Variants in MDGA2 observed in about 807,000 individuals in gnomAD.
MDGA2 encodes MAM domain containing glycosylphosphatidylinositol anchor 2, also known as MAM domain-containing glycosylphosphatidylinositol anchor protein 2.
In MDGA2, 40 loss-of-function variants were observed where a neutral mutation model predicts 117.8. That is an observed-to-expected ratio of 0.34 (90% CI 0.26 to 0.44). The LOEUF (loss-of-function observed/expected upper bound fraction) is 0.44. Ranked by LOEUF, MDGA2 falls within the 20% of genes least tolerant of loss-of-function variation. The pLI is 1.00. For missense variants in MDGA2, 1,123 were observed against 1,250.6 expected (o/e 0.90, Z 1.54); for synonymous variants, 452 against 439.0 (o/e 1.03, Z -0.37).
rs1872736153 is a variant in MDGA2 at position 47,607,720 on chromosome 14, G to C, written c.280+66797C>G. 2.0e-5 allele frequency among the ~76,000 whole-genome samples: 3 copies of C among 152,236 alleles called. No homozygotes were observed. In the South Asian group the frequency reaches 6.2e-4, roughly 32 times the overall value. ...CCTTGCATCCAGAGTAAGTGGTTTT[G>C]ATTGCATCATGTAGGCCAGAGGGGA... is the stretch of plus-strand genomic sequence containing the variant. On this transcript the variant is annotated intron_variant, in intron 1 of 16. Coordinates refer to ENST00000399232, the MANE Select transcript of MDGA2 (RefSeq NM_001113498.3).
Position 47,400,713 on chromosome 14 carries a change from T to C in MDGA2, c.281-99163A>G, listed in dbSNP as rs192764754. ...AACAAACAAACAAAAAAAAAACCCT[T>C]AGTGGTAAGGCTTTTTTTTTTTTCT... On this transcript the variant is annotated intron_variant, in intron 1 of 16. Transcript: ENST00000399232. Among the ~76,000 whole-genome samples, 11 of 149,126 alleles carry C rather than the reference T, an allele frequency of 7.4e-5. 1 individual carries two copies. The East Asian group carries it at 2.0e-3, about 27-fold the overall frequency.
At chr14:47,358,784 T>A (rs1242352559) in intron 1 of MDGA2, among the ~76,000 whole-genome samples, 1 of 152,172 alleles carries the variant, frequency 6.6e-6, no homozygotes, top group Non-Finnish European at 1.5e-5. Flanking sequence ...CACTGAAAAC[T>A]GTAAAACATT....
chr14:47,128,668 C>A (rs542516986), intron 5 of MDGA2, among the ~76,000 whole-genome samples: 2 of 148,872 alleles, frequency 1.3e-5, no homozygotes, highest in South Asian at 4.3e-4. Flanking sequence ...TTTTATATTT[C>A]TATTTTTTTC....
chr14:47,122,700 G>A (rs1173361158), intron 5 of MDGA2, among the ~76,000 whole-genome samples: 1 of 152,046 alleles, frequency 6.6e-6, no homozygotes, highest in African/African-American at 2.4e-5. Context: ...TCAAGAAATT[G>A]TAAAATGTAT....
chr14:47,242,352 A>G (rs916179946), intron 2 of MDGA2, among the ~76,000 whole-genome samples: 1 of 151,810 alleles, frequency 6.6e-6, no homozygotes, highest in African/African-American at 2.4e-5. Context: ...GCATTTGAGG[A>G]GCCCTTCAGC....
intron 3 of MDGA2, among the ~76,000 whole-genome samples, chr14:47,202,270 A>G (rs1594719197): frequency 6.6e-6 from 1 of 152,342 alleles, no homozygotes; most frequent in Non-Finnish European, 1.5e-5. Flanking sequence ...ACAACTGTAT[A>G]GATATCATCA....
chr14:47,103,839 C>G (rs1256689614), intron 5 of MDGA2, among the ~76,000 whole-genome samples: 3 of 152,124 alleles, frequency 2.0e-5, no homozygotes, highest in Non-Finnish European at 4.4e-5. Flanking sequence ...GCTTGTTCTC[C>G]CTAGTGCAAT....
chr14:47,443,697 T>A (rs1893062721), intron 1 of MDGA2, among the ~76,000 whole-genome samples: 1 of 152,188 alleles, frequency 6.6e-6, no homozygotes, highest in South Asian at 2.1e-4. Flanking sequence ...CAAATAATAA[T>A]AAATCCAGAA....
chr14:47,276,405 C>G (rs1888312881), intron 2 of MDGA2, among the ~76,000 whole-genome samples: 2 of 152,030 alleles, frequency 1.3e-5, no homozygotes, highest in African/African-American at 4.8e-5. Context: ...ATTCTTAAAT[C>G]TAAAATCCAG....
At chr14:46,883,906 A>T (rs775727632) in intron 10 of MDGA2, among the ~76,000 whole-genome samples, 3 of 152,066 alleles carry the variant, frequency 2.0e-5, no homozygotes, top group Non-Finnish European at 4.4e-5. Flanking sequence ...ATCTAAACAT[A>T]TAGTATGCAT....
chr14:47,012,978 T>C (rs1954252), intron 8 of MDGA2, among the ~76,000 whole-genome samples: 142,790 of 152,246 alleles, frequency 0.94, 67,060 homozygotes, highest in East Asian at 1. Context: ...TAAGCCTTCA[T>C]CGAGTTGTAC....
chr14:46,981,607 G>A (rs1158091881), intron 8 of MDGA2, among the ~76,000 whole-genome samples: 2 of 152,156 alleles, frequency 1.3e-5, no homozygotes. Context: ...GTTTAAGAAT[G>A]TCAAGTGGTA....
At chr14:47,105,159 G>A (rs956408394) in intron 5 of MDGA2, among the ~76,000 whole-genome samples, 1 of 152,020 alleles carries the variant, frequency 6.6e-6, no homozygotes, top group Non-Finnish European at 1.5e-5. Flanking sequence ...CCTGGGGCAG[G>A]GGCAAGTACC....
At chr14:47,429,868 CA>C (rs1233286935) in intron 1 of MDGA2, among the ~76,000 whole-genome samples, 1 of 150,808 alleles carries the variant, frequency 6.6e-6, no homozygotes, top group Non-Finnish European at 1.5e-5. Flanking sequence ...GTGATAGAAT[CA>C]GTAGCTAAGA....
intron 3 of MDGA2, among the ~76,000 whole-genome samples, chr14:47,207,710 C>T (rs1885737655): frequency 1.3e-5 from 2 of 151,984 alleles, no homozygotes; most frequent in African/African-American, 4.8e-5. Flanking sequence ...ATCTGGATGT[C>T]TTGATTGCAT....
intron 1 of MDGA2, among the ~76,000 whole-genome samples, chr14:47,612,214 A>AGATG (rs1351379614): frequency 7.5e-6 from 1 of 133,490 alleles, no homozygotes; most frequent in Admixed American, 7.9e-5. Flanking sequence ...ATAGACAGAT[A>AGATG]GATAGATAGA....
intron 14 of MDGA2, among the ~76,000 whole-genome samples, chr14:46,859,969 A>T (rs1194454494): frequency 6.6e-6 from 1 of 152,102 alleles, no homozygotes; most frequent in Non-Finnish European, 1.5e-5. Flanking sequence ...ATGTTGCTTT[A>T]GCCTTTAAAA....
At chr14:47,292,459 A>G (rs1395049880) in intron 2 of MDGA2, among the ~76,000 whole-genome samples, 1 of 152,098 alleles carries the variant, frequency 6.6e-6, no homozygotes, top group African/African-American at 2.4e-5. Flanking sequence ...CTAGAACTCC[A>G]TTTATCGCTT....
chr14:47,259,678 G>C (rs992524172), intron 2 of MDGA2, among the ~76,000 whole-genome samples: 7 of 151,986 alleles, frequency 4.6e-5, no homozygotes, highest in Non-Finnish European at 1.0e-4. Flanking sequence ...AAAGAATGGC[G>C]ATATATAAAA....
Sources: gnomAD v4.1 joint callset for allele counts (sites outside exome capture counted in the v4.1 genomes callset) on GRCh38, gnomAD v4.1.1 for gene constraint, MANE v1.5 for transcripts, NCBI Gene and HGNC (gene_info 2026-07-23, HGNC 2026-07-21) for gene names.